Variants in SMYD3 observed in about 807,000 individuals in gnomAD.
SMYD3 encodes histone-lysine N-methyltransferase SMYD3.
A neutral mutation model predicts 57.7 loss-of-function variants in SMYD3; 36 were observed. The observed-to-expected ratio is 0.62, with a 90% CI of 0.48 to 0.82. SMYD3 has a LOEUF of 0.82. Ranked by LOEUF, SMYD3 falls within the 40% of genes least tolerant of loss-of-function variation. SMYD3 has a pLI of 0.00. For missense variants in SMYD3, 515 were observed against 538.8 expected, an observed-to-expected ratio of 0.96 and a Z score of 0.44; for synonymous variants, 211 against 195.0, an observed-to-expected ratio of 1.08 and a Z score of -0.68.
At chr1:246,241,561 T>C in intron 5 of SMYD3, among the ~76,000 whole-genome samples, 1 of 152,198 alleles carries the variant, frequency 6.6e-6, no homozygotes, top group Admixed American at 6.5e-5. Flanking sequence ...ATCTTTTTTT[T>C]GTTGTGTCTC....
chr1:245,939,080 T>C (rs1481527711), intron 5 of SMYD3, among the ~76,000 whole-genome samples: 2 of 151,230 alleles, frequency 1.3e-5, no homozygotes, highest in East Asian at 3.9e-4. Flanking sequence ...GAAGTGGAGG[T>C]TACAGTGAGC....
Position 246,327,324 on chromosome 1 carries a change from C to T in SMYD3, c.408G>A (p.Leu136=), listed in dbSNP as rs1404923189. Residue 136 remains leucine (L), a synonymous_variant, in exon 5 of 12, where the codon CTG becomes CTA. Transcript: ENST00000490107. ...TGAGGCCCTCTTTCTTATCTTCAGT[C>T]AGTTTGTTAATATCTTTTTTAAAGA... ...FYDLESNINK[L]TEDKKEGLRQ... is the part of the protein sequence containing the mutation. 1.2e-6 allele frequency: 2 copies of T among 1,611,702 alleles called. No individual in the cohort carries two copies. Among genetic ancestry groups the T allele is most frequent in the Non-Finnish European group, 1.7e-6 (2 of 1,179,320 alleles).
chr1:246,358,830 G>A (rs959649169), intron 1 of SMYD3, among the ~76,000 whole-genome samples: 1 of 152,180 alleles, frequency 6.6e-6, no homozygotes, highest in African/African-American at 2.4e-5. Flanking sequence ...TAAGCAGAAA[G>A]TTCGGAGCAT....
chr1:246,321,130 A>G (rs1034308485), intron 5 of SMYD3, among the ~76,000 whole-genome samples: 1 of 152,210 alleles, frequency 6.6e-6, no homozygotes, highest in African/African-American at 2.4e-5. Flanking sequence ...CTTCTCAACA[A>G]AACAGGTAAT....
intron 8 of SMYD3, among the ~76,000 whole-genome samples, chr1:245,864,570 C>G (rs760051625): frequency 1.3e-5 from 2 of 152,144 alleles, no homozygotes; most frequent in Non-Finnish European, 1.5e-5. Context: ...GGCAAATCCA[C>G]AGAGACAGAG....
intron 2 of SMYD3, among the ~76,000 whole-genome samples, chr1:246,348,848 C>CA (rs1572407159): frequency 6.6e-6 from 1 of 151,734 alleles, no homozygotes; most frequent in East Asian, 1.9e-4. Flanking sequence ...TATAGCAGCA[C>CA]AAAACAGACT....
intron 5 of SMYD3, among the ~76,000 whole-genome samples, chr1:246,153,549 C>T (rs947811285): frequency 2.6e-5 from 4 of 152,174 alleles, no homozygotes; most frequent in Non-Finnish European, 5.9e-5. Flanking sequence ...CTCACTACAG[C>T]CTTGAACTCC....
chr1:246,059,056 T>C (rs1232302033), intron 5 of SMYD3, among the ~76,000 whole-genome samples: 3 of 152,122 alleles, frequency 2.0e-5, no homozygotes, highest in Non-Finnish European at 4.4e-5. Flanking sequence ...TTTTGTATTT[T>C]TAGTAGAGAC....
intron 1 of SMYD3, among the ~76,000 whole-genome samples, chr1:246,371,319 C>T (rs2066188601): frequency 6.6e-6 from 1 of 152,118 alleles, no homozygotes; most frequent in East Asian, 1.9e-4. Flanking sequence ...AGTGAGTAGA[C>T]TGGAGAAAGC....
chr1:246,058,938 G>T (rs1302549280), intron 5 of SMYD3, among the ~76,000 whole-genome samples: 3 of 149,412 alleles, frequency 2.0e-5, no homozygotes, highest in Non-Finnish European at 3.0e-5. Flanking sequence ...GCAGTGGCAT[G>T]ATCTCCGCTC....
chr1:246,114,716 T>C (rs2061313996), intron 5 of SMYD3, among the ~76,000 whole-genome samples: 1 of 151,614 alleles, frequency 6.6e-6, no homozygotes, highest in Non-Finnish European at 1.5e-5. Flanking sequence ...CTGCAACCTC[T>C]GCCTACCAGG....
intron 1 of SMYD3, among the ~76,000 whole-genome samples, chr1:246,358,158 AG>A (rs1273854187): frequency 6.6e-6 from 1 of 152,190 alleles, no homozygotes; most frequent in Admixed American, 6.5e-5. Context: ...AGTAAGCAGG[AG>A]TAGCTATTCT....
intron 1 of SMYD3, among the ~76,000 whole-genome samples, chr1:246,382,576 C>T (rs2095411): frequency 0.26 from 39,619 of 151,124 alleles, 5,649 homozygotes; most frequent in East Asian, 0.51. Context: ...GTCCCTGTGA[C>T]CCCAGACTCT....
intron 8 of SMYD3, among the ~76,000 whole-genome samples, chr1:245,879,297 G>A: frequency 6.6e-6 from 1 of 152,242 alleles, no homozygotes; most frequent in East Asian, 1.9e-4. Context: ...CATAGGGTGG[G>A]CCTAAGGGCT....
chr1:246,121,111 G>T (rs1381877251), intron 5 of SMYD3, among the ~76,000 whole-genome samples: 1 of 152,168 alleles, frequency 6.6e-6, no homozygotes, highest in African/African-American at 2.4e-5. Context: ...ATCATGTTGT[G>T]TCTGCAATCT....
At chr1:246,052,569 C>T (rs571353299) in intron 5 of SMYD3, 1 of 152,322 alleles carries the variant, frequency 6.6e-6, no homozygotes, top group Admixed American at 6.5e-5. Context: ...TCCACTCATA[C>T]AATTTATGTG....
intron 5 of SMYD3, among the ~76,000 whole-genome samples, chr1:246,165,170 A>C (rs952500969): frequency 3.3e-5 from 5 of 152,258 alleles, no homozygotes; most frequent in African/African-American, 1.2e-4. Context: ...ATTGCTGCTC[A>C]TCGCAACTAC....
chr1:246,487,695 C>CT (rs1169903118), intron 1 of SMYD3, among the ~76,000 whole-genome samples: 12,564 of 138,924 alleles, frequency 0.09, 1,824 homozygotes, highest in African/African-American at 0.3. Context: ...CCACTCAGAT[C>CT]TTTTTTTTTT....
At chr1:245,891,603 G>A (rs2053388788) in intron 8 of SMYD3, among the ~76,000 whole-genome samples, 1 of 152,228 alleles carries the variant, frequency 6.6e-6, no homozygotes, top group Non-Finnish European at 1.5e-5. Context: ...AGCAATGTCG[G>A]GAACTGTAGG....
Sources: gnomAD v4.1 joint callset for allele counts (sites outside exome capture counted in the v4.1 genomes callset) on GRCh38, gnomAD v4.1.1 for gene constraint, MANE v1.5 for transcripts, NCBI Gene and HGNC (gene_info 2026-07-23, HGNC 2026-07-21) for gene names.